ARHGAP15: variants seen among roughly 807,000 people sequenced by gnomAD.
ARHGAP15 encodes Rho GTPase activating protein 15.
ARHGAP15 carries 51 observed loss-of-function variants against 63.7 expected under a neutral mutation model. The observed-to-expected ratio is 0.80, with a 90% CI of 0.64 to 1.01. The LOEUF is 1.01. Ranked by LOEUF, ARHGAP15 falls within the 50% of genes least tolerant of loss-of-function variation. ARHGAP15 has a pLI of 0.00. For missense variants in ARHGAP15, 560 were observed against 564.6 expected (o/e 0.99, Z 0.08); for synonymous variants, 191 against 193.8 (o/e 0.99, Z 0.12).
intron 11 of ARHGAP15, among the ~76,000 whole-genome samples, chr2:143,582,252 A>C (rs1696936194): frequency 6.6e-6 from 1 of 152,100 alleles, no homozygotes; most frequent in Non-Finnish European, 1.5e-5. Context: ...AAGAAATTTG[A>C]GGGTAGTAGG....
At chr2:143,760,427 G>T (rs1333661708) in intron 13 of ARHGAP15, among the ~76,000 whole-genome samples, 1 of 152,090 alleles carries the variant, frequency 6.6e-6, no homozygotes, top group Non-Finnish European at 1.5e-5. Context: ...ATCTGTGGTT[G>T]TTATCACCTT....
chr2:143,226,504 T>A (rs562769655), intron 4 of ARHGAP15, among the ~76,000 whole-genome samples: 1 of 152,310 alleles, frequency 6.6e-6, no homozygotes, highest in Admixed American at 6.5e-5. Flanking sequence ...AGACTAGACT[T>A]CTAATAATCT....
chr2:143,370,754 G>A (rs1473128021), intron 6 of ARHGAP15, among the ~76,000 whole-genome samples: 2 of 152,156 alleles, frequency 1.3e-5, no homozygotes, highest in South Asian at 2.1e-4. Flanking sequence ...GATACTCAAA[G>A]CAACTTCAGA....
At chr2:143,316,126 G>A (rs1213325568) in intron 6 of ARHGAP15, among the ~76,000 whole-genome samples, 4 of 151,936 alleles carry the variant, frequency 2.6e-5, no homozygotes, top group Admixed American at 2.6e-4. Context: ...TATTTGTAAG[G>A]ATCAAATATT....
At chr2:143,763,132 G>A (rs190804993) in intron 13 of ARHGAP15, among the ~76,000 whole-genome samples, 22 of 152,098 alleles carry the variant, frequency 1.4e-4, no homozygotes, top group African/African-American at 4.8e-4. Context: ...CAGTAGGAGT[G>A]AAATTATGGT....
chr2:143,379,524 TG>T (rs1686970169), intron 6 of ARHGAP15, among the ~76,000 whole-genome samples: 1 of 150,936 alleles, frequency 6.6e-6, no homozygotes, highest in African/African-American at 2.4e-5. Context: ...TGTGTGTGTG[TG>T]TGTGTGTATG....
intron 2 of ARHGAP15, among the ~76,000 whole-genome samples, chr2:143,189,940 T>G: frequency 6.6e-6 from 1 of 152,172 alleles, no homozygotes; most frequent in East Asian, 1.9e-4. Flanking sequence ...TTAATTACAG[T>G]GCTAATAGTT....
At chr2:143,550,629 T>G (rs1335725839) in intron 10 of ARHGAP15, among the ~76,000 whole-genome samples, 2 of 152,194 alleles carry the variant, frequency 1.3e-5, no homozygotes, top group African/African-American at 4.8e-5. Flanking sequence ...AGCAAAGACA[T>G]AGAACATTTC....
chr2:143,422,390 G>A (rs1275719389), intron 6 of ARHGAP15, among the ~76,000 whole-genome samples: 3 of 152,050 alleles, frequency 2.0e-5, no homozygotes, highest in African/African-American at 7.2e-5. Context: ...ACAAGTTAAT[G>A]GCAATGGAAC....
intron 6 of ARHGAP15, among the ~76,000 whole-genome samples, chr2:143,395,829 A>G (rs1687733340): frequency 6.6e-6 from 1 of 152,066 alleles, no homozygotes; most frequent in South Asian, 2.1e-4. Context: ...GAAACGTAAT[A>G]CAGGTCCCTG....
At chr2:143,332,501 C>T (rs1684592362) in intron 6 of ARHGAP15, among the ~76,000 whole-genome samples, 1 of 152,078 alleles carries the variant, frequency 6.6e-6, no homozygotes, top group South Asian at 2.1e-4. Flanking sequence ...AGATGAATAT[C>T]ACTTCATAAC....
At chr2:143,540,444 T>C (rs190528764) in intron 10 of ARHGAP15, among the ~76,000 whole-genome samples, 35 of 152,314 alleles carry the variant, frequency 2.3e-4, no homozygotes, top group African/African-American at 8.4e-4. Context: ...ATTTTGCTTG[T>C]TAGTTGATGC....
chr2:143,664,840 A>G (rs1220048910), intron 12 of ARHGAP15, among the ~76,000 whole-genome samples: 1 of 152,372 alleles, frequency 6.6e-6, no homozygotes, highest in Non-Finnish European at 1.5e-5. Flanking sequence ...ATTCCTCGAC[A>G]CATACACCAT....
intron 4 of ARHGAP15, among the ~76,000 whole-genome samples, chr2:143,224,376 A>G (rs1315445786): frequency 1.3e-5 from 2 of 152,194 alleles, no homozygotes; most frequent in Non-Finnish European, 2.9e-5. Flanking sequence ...GAAATTTGAA[A>G]GGCCATATAC....
chr2:143,705,303 C>T (rs1684278491), intron 13 of ARHGAP15, among the ~76,000 whole-genome samples: 1 of 151,990 alleles, frequency 6.6e-6, no homozygotes, highest in Admixed American at 6.6e-5. Context: ...CTTGTCACTC[C>T]CACATACTGG....
intron 6 of ARHGAP15, among the ~76,000 whole-genome samples, chr2:143,434,064 CTGTCTTTT>C (rs1689500981): frequency 2.6e-5 from 4 of 152,060 alleles, no homozygotes; most frequent in African/African-American, 7.2e-5. Context: ...ATCACCTGAG[CTGTCTTTT>C]ACTGGATACA....
At chr2:143,253,610 A>G (rs1427877205) in intron 6 of ARHGAP15, among the ~76,000 whole-genome samples, 1 of 152,036 alleles carries the variant, frequency 6.6e-6, no homozygotes, top group Non-Finnish European at 1.5e-5. Context: ...TGCATATTTT[A>G]TAACAGCACA....
At chr2:143,318,589 C>T (rs114045911) in intron 6 of ARHGAP15, among the ~76,000 whole-genome samples, 1,710 of 110,244 alleles carry the variant, frequency 0.016, 33 homozygotes, top group African/African-American at 0.054. Context: ...AAGCAACTTT[C>T]GTTTATTGGG....
chr2:143,705,420 G>A (rs1352734698), intron 13 of ARHGAP15, among the ~76,000 whole-genome samples: 1 of 152,120 alleles, frequency 6.6e-6, no homozygotes. Flanking sequence ...CTCCCATTAT[G>A]ATCTCAGGCA....
Sources: allele counts gnomAD v4.1 joint callset (sites outside exome capture counted in the v4.1 genomes callset), GRCh38; gene constraint gnomAD v4.1.1; transcripts MANE v1.5; gene names NCBI Gene and HGNC (gene_info 2026-07-23, HGNC 2026-07-21).